FER1L6: variants seen among roughly 807,000 people sequenced by gnomAD.
FER1L6 encodes the protein fer-1 like family member 6.
In FER1L6, 177 loss-of-function variants were observed where a neutral mutation model predicts 219.2. That is an observed-to-expected ratio of 0.81 (90% CI 0.71 to 0.91). The LOEUF (loss-of-function observed/expected upper bound fraction) is 0.91, where lower values mean the gene tolerates loss of function less well. Ranked by LOEUF, FER1L6 falls within the 40% of genes least tolerant of loss-of-function variation. FER1L6 has a pLI of 0.00. For missense variants in FER1L6, 2,153 were observed against 2,259.9 expected (o/e 0.95, Z 0.96); for synonymous variants, 768 against 824.3 (o/e 0.93, Z 1.17).
intron 1 of FER1L6, among the ~76,000 whole-genome samples, chr8:123,856,768 T>G (rs1365646629): frequency 1.3e-5 from 2 of 151,964 alleles, no homozygotes; most frequent in Non-Finnish European, 2.9e-5. Flanking sequence ...TTTCACAGAA[T>G]TTAGTATCAA....
chr8:124,056,424 T>A (rs146567591), intron 22 of FER1L6, among the ~76,000 whole-genome samples: 2 of 152,376 alleles, frequency 1.3e-5, no homozygotes, highest in Non-Finnish European at 2.9e-5. Flanking sequence ...CTCTTTCTCT[T>A]ACCATCATGT....
chr8:124,024,950 G>T (rs1818639790), intron 18 of FER1L6, among the ~76,000 whole-genome samples: 1 of 152,044 alleles, frequency 6.6e-6, no homozygotes, highest in Non-Finnish European at 1.5e-5. Flanking sequence ...GCATTTCCTT[G>T]ATGATTAGTG....
chr8:123,902,575 T>C (rs1215679709), intron 1 of FER1L6, among the ~76,000 whole-genome samples: 1 of 152,228 alleles, frequency 6.6e-6, no homozygotes, highest in African/African-American at 2.4e-5. Context: ...TCTTTGTCTC[T>C]TTTAACTGTT....
chr8:124,094,868 C>T (rs1315409672), intron 34 of FER1L6, 28 bp from the exon 35 acceptor site: 1 of 1,613,270 alleles, frequency 6.2e-7, no homozygotes, highest in East Asian at 2.2e-5. Context: ...GAACACACAT[C>T]TGACAAGTTT....
chr8:123,944,085 A>G (rs926589290), intron 1 of FER1L6, among the ~76,000 whole-genome samples: 24 of 152,212 alleles, frequency 1.6e-4, no homozygotes, highest in African/African-American at 5.8e-4. Flanking sequence ...TATCTGAAAA[A>G]GAGATTAAAC....
At chr8:123,877,857 A>T (rs1276963817) in intron 1 of FER1L6, among the ~76,000 whole-genome samples, 1 of 151,898 alleles carries the variant, frequency 6.6e-6, no homozygotes, top group Non-Finnish European at 1.5e-5. Flanking sequence ...AAAAAGAATC[A>T]CCAGCCATGG....
chr8:123,870,825 G>A (rs1483127437), intron 1 of FER1L6, among the ~76,000 whole-genome samples: 1 of 152,166 alleles, frequency 6.6e-6, no homozygotes, highest in Non-Finnish European at 1.5e-5. Context: ...GTAAGAGGTT[G>A]AAGGATCCCA....
chr8:124,064,013 C>A (rs1366126567), intron 25 of FER1L6, among the ~76,000 whole-genome samples: 2 of 152,142 alleles, frequency 1.3e-5, no homozygotes, highest in Non-Finnish European at 2.9e-5. Flanking sequence ...AGCAGGGGGA[C>A]AATCCCCCTA....
At position 124,017,919 on chromosome 8, in the gene FER1L6, C is replaced by A. The variant is rs1390455156; in HGVS notation, c.2013+201C>A. Among the ~76,000 whole-genome samples the A allele has an allele frequency of 3.3e-5, 5 of 152,254 alleles. No homozygotes were observed. The East Asian group carries it at 7.7e-4, about 24-fold the overall frequency. ...GGTTTATAAGGATGAACTAGAAGCC[C>A]ACTGGTCCTACTTCCTACTCTGATG... On this transcript the variant is annotated intron_variant, in intron 16 of 40. Coordinates refer to ENST00000522917, the MANE Select transcript of FER1L6 (RefSeq NM_001039112.2).
chr8:124,114,243 G>A (rs1345150993), intron 39 of FER1L6, among the ~76,000 whole-genome samples: 2 of 151,744 alleles, frequency 1.3e-5, no homozygotes, highest in African/African-American at 2.4e-5. Context: ...AAAAAGATAG[G>A]ACAAATACAT....
intron 14 of FER1L6, among the ~76,000 whole-genome samples, chr8:124,011,328 C>T (rs763799228): frequency 2.0e-5 from 3 of 152,128 alleles, no homozygotes; most frequent in Admixed American, 1.3e-4. Context: ...ACCTTCTACC[C>T]CCTTATCTTC....
chr8:123,943,326 G>A (rs1274123151), intron 1 of FER1L6, among the ~76,000 whole-genome samples: 1 of 152,118 alleles, frequency 6.6e-6, no homozygotes, highest in Non-Finnish European at 1.5e-5. Context: ...AGTCTTGATC[G>A]ACCTCTAATT....
At chr8:124,002,322 A>C (rs1188215367) in intron 12 of FER1L6, among the ~76,000 whole-genome samples, 1 of 152,166 alleles carries the variant, frequency 6.6e-6, no homozygotes, top group Non-Finnish European at 1.5e-5. Flanking sequence ...AGGGAGACAG[A>C]GTAGTGACAC....
At chr8:124,010,817 C>A in intron 14 of FER1L6, 103 bp downstream of exon 14, 1 of 1,446,802 alleles carries the variant, frequency 6.9e-7, no homozygotes, top group Non-Finnish European at 9.4e-7. Context: ...AGTTCAAACA[C>A]AAATAAATTG....
At chr8:124,045,699 G>C in intron 20 of FER1L6, 68 bp from the exon 21 acceptor site, 1 of 1,538,832 alleles carries the variant, frequency 6.5e-7, no homozygotes, top group Non-Finnish European at 8.9e-7. Flanking sequence ...AGTATTTGAT[G>C]AATGAACCTT....
At chr8:124,118,822 A>G in intron 39 of FER1L6, 22 bp from the exon 40 acceptor site, 4 of 1,611,150 alleles carry the variant, frequency 2.5e-6, no homozygotes, top group Non-Finnish European at 3.4e-6. Context: ...CTGGAAACAA[A>G]AGGTTTTGCA....
intron 1 of FER1L6, among the ~76,000 whole-genome samples, chr8:123,950,006 G>GA (rs1230585978): frequency 6.6e-6 from 1 of 152,162 alleles, no homozygotes; most frequent in East Asian, 1.9e-4. Context: ...GTCTATGTTT[G>GA]GCTTAAAGGT....
chr8:123,891,335 T>G (rs988696725), intron 1 of FER1L6, among the ~76,000 whole-genome samples: 1 of 152,210 alleles, frequency 6.6e-6, no homozygotes, highest in Non-Finnish European at 1.5e-5. Context: ...TGTTCTTACT[T>G]TGTCCTGTTT....
intron 13 of FER1L6, 134 bp from the exon 14 acceptor site, chr8:124,010,460 G>A: frequency 1.1e-6 from 1 of 944,432 alleles, no homozygotes. Context: ...ATCAAAGATG[G>A]TGTTAAAAGT....
Sources: allele counts gnomAD v4.1 joint callset (sites outside exome capture counted in the v4.1 genomes callset), GRCh38; gene constraint gnomAD v4.1.1; transcripts MANE v1.5; gene names NCBI Gene and HGNC (gene_info 2026-07-23, HGNC 2026-07-21).